The following GABPB2 variants were observed in gnomAD, a reference collection of about 807,000 sequenced individuals.
GABPB2 encodes GA-binding protein subunit beta-2.
GABPB2 carries 23 observed loss-of-function variants against 39.1 expected under a neutral mutation model. The ratio of observed to expected loss-of-function variants is 0.59; its 90% CI spans 0.42 to 0.83. The LOEUF (loss-of-function observed/expected upper bound fraction) is 0.83. Ranked by LOEUF, GABPB2 falls within the 40% of genes least tolerant of loss-of-function variation. The pLI, the probability that GABPB2 is intolerant of heterozygous loss-of-function variation, is 0.00. For missense variants in GABPB2, 467 were observed against 541.1 expected, an observed-to-expected ratio of 0.86 and a Z score of 1.36; for synonymous variants, 184 against 199.3, an observed-to-expected ratio of 0.92 and a Z score of 0.65.
chr1:151,088,169 C>A (rs919806900), intron 1 of GABPB2, 21 bp from the exon 2 acceptor site: 17 of 1,582,770 alleles, frequency 1.1e-5, no homozygotes, highest in African/African-American at 1.3e-5. Flanking sequence ...TACCTGAAAA[C>A]TTTTGTTCCT....
At chr1:151,091,768 C>T (rs147597405) in intron 3 of GABPB2, among the ~76,000 whole-genome samples, 166 of 152,120 alleles carry the variant, frequency 1.1e-3, no homozygotes, top group Non-Finnish European at 1.7e-3. Flanking sequence ...TGAGCCACCA[C>T]GCCCGGCCCT....
intron 1 of GABPB2, among the ~76,000 whole-genome samples, chr1:151,086,485 C>T (rs1463750786): frequency 2.6e-5 from 4 of 152,018 alleles, no homozygotes; most frequent in Non-Finnish European, 5.9e-5. Flanking sequence ...GGATTTGCAC[C>T]GTTAGTGCTA....
At position 151,072,079 on chromosome 1, in the gene GABPB2, A is replaced by G. The variant is rs975942596; in HGVS notation, c.-1+1145A>G. ...TCTAATCACTTGGTCCACCCAATCC[A>G]GTAGAGATGTTCTTAGGCATGTATT... On this transcript the variant is annotated intron_variant, in intron 1 of 8. Coordinates refer to ENST00000368918, the MANE Select transcript of GABPB2 (RefSeq NM_144618.3). Among the ~76,000 whole-genome samples the G allele has an allele frequency of 6.6e-5, 10 of 152,364 alleles. No homozygotes were observed. In the East Asian group the frequency reaches 1.9e-3, roughly 29 times the overall value.
At position 151,118,286 on chromosome 1, in the gene GABPB2, CA is replaced by C. The variant is rs777516094; in HGVS notation, c.*31del. The C allele has an allele frequency of 8.3e-6, 13 of 1,559,632 alleles. No homozygotes were observed. The East Asian group carries it at 2.7e-4, about 32-fold the overall frequency. ...CAAGGGCCACAATTTGCACTGTGTT[CA>C]TATTAATCCTCTTTTAAAAAAGGAA... On this transcript the variant is annotated 3_prime_UTR_variant, in exon 9 of 9. Coordinates refer to ENST00000368918, the MANE Select transcript of GABPB2 (RefSeq NM_144618.3).
chr1:151,100,580 CTTTTTT>C (rs35251516), intron 5 of GABPB2, among the ~76,000 whole-genome samples: 1 of 46,688 alleles, frequency 2.1e-5, no homozygotes, highest in Non-Finnish European at 3.8e-5. Flanking sequence ...TGTGCCTGGC[CTTTTTT>C]TTTTTTTTTT....
In GABPB2 at chr1:151,097,838, G is replaced by T; in HGVS notation, c.472-14G>T. 1 of 1,611,302 alleles carries T rather than the reference G, an allele frequency of 6.2e-7. No individual in the cohort carries two copies. The highest frequency in any genetic ancestry group is 8.5e-7 in the Non-Finnish European group (1 of 1,178,418). On this transcript the variant is annotated splice_polypyrimidine_tract_variant and intron_variant, in intron 4 of 8. Transcript: ENST00000368918. ...ATAAGTGTTCTGATTGAAATATCCT[G>T]CCTTGTTTGATAGGAAGCAATGCAG...
chr1:151,099,236 T>C (rs1441233836), intron 5 of GABPB2, among the ~76,000 whole-genome samples: 1 of 152,008 alleles, frequency 6.6e-6, no homozygotes, highest in African/African-American at 2.4e-5. Context: ...CTCGCTGTGT[T>C]TCCCAGGCTG....
chr1:151,078,588 G>A lies in GABPB2; in HGVS notation c.-1+7654G>A, dbSNP rs375376207. Among the ~76,000 whole-genome samples, 73 of 150,880 alleles carry A rather than the reference G, an allele frequency of 4.8e-4. 1 individual carries two copies. In the East Asian group the frequency reaches 9.0e-3, roughly 19 times the overall value. On this transcript the variant is annotated intron_variant, in intron 1 of 8. Transcript: ENST00000368918. ...AGCCTGGGCCACAGAGCAAGACTCCGTCTCAAAAAAAAAATAGAAAAAAAA... is the reference window on the plus strand; with the variant it reads ...AGCCTGGGCCACAGAGCAAGACTCCATCTCAAAAAAAAAATAGAAAAAAAA...
chr1:151,111,029 C>T (rs1390705391), intron 7 of GABPB2, among the ~76,000 whole-genome samples: 3 of 152,064 alleles, frequency 2.0e-5, no homozygotes. Flanking sequence ...CCTGTAATCC[C>T]AGCACTTTGG....
At chr1:151,109,340 A>G (rs898720404) in intron 7 of GABPB2, among the ~76,000 whole-genome samples, 6 of 62,350 alleles carry the variant, frequency 9.6e-5, no homozygotes, top group African/African-American at 1.6e-4. Context: ...ATATATATAC[A>G]CAAATATATA....
intron 6 of GABPB2, among the ~76,000 whole-genome samples, 199 bp from the exon 7 acceptor site, chr1:151,106,838 A>G (rs1240784761): frequency 6.6e-6 from 1 of 152,200 alleles, no homozygotes; most frequent in Admixed American, 6.5e-5. Flanking sequence ...ATTTTACAAA[A>G]TACTGTTCTA....
At position 151,118,322 on chromosome 1, in the gene GABPB2, A is replaced by G. The variant is rs910201331; in HGVS notation, c.*66A>G. 8.5e-6 allele frequency: 12 copies of G among 1,406,420 alleles called. No homozygotes were observed. Among genetic ancestry groups the G allele is most frequent in the Non-Finnish European group, 1.2e-5 (12 of 1,029,352 alleles). 87.1% of individuals were successfully genotyped at this position (1,406,420 alleles called of 1,614,324 possible). ...TCTTTTAAAAAAGGAAATATACAGAAGACAAACATTGTATAAAAACTAAGA... is the reference window on the plus strand; with the variant it reads ...TCTTTTAAAAAAGGAAATATACAGAGGACAAACATTGTATAAAAACTAAGA... On this transcript the variant is annotated 3_prime_UTR_variant, in exon 9 of 9. Coordinates refer to ENST00000368918, the MANE Select transcript of GABPB2 (RefSeq NM_144618.3).
intron 4 of GABPB2, among the ~76,000 whole-genome samples, chr1:151,097,636 G>A (rs1029451374): frequency 2.0e-5 from 3 of 152,034 alleles, no homozygotes; most frequent in Non-Finnish European, 4.4e-5. Flanking sequence ...AAAATTAGCT[G>A]GGCGTGGTGG....
intron 1 of GABPB2, among the ~76,000 whole-genome samples, chr1:151,079,675 G>A (rs1345693131): frequency 6.6e-6 from 1 of 151,172 alleles, no homozygotes; most frequent in African/African-American, 2.4e-5. Context: ...CCGAGGCAGC[G>A]AATCACCTGA....
At chr1:151,115,381 A>G (rs1249367855) in intron 7 of GABPB2, among the ~76,000 whole-genome samples, 1 of 148,054 alleles carries the variant, frequency 6.8e-6, no homozygotes, top group Admixed American at 7.1e-5. Context: ...GAAAGAAAGA[A>G]AGAAACTGGC....
rs1171869510 is a variant in GABPB2 at position 151,118,542 on chromosome 1, T to A, written c.*286T>A. ...AGAATACTGCATGTTGTGGGTTGAT[T>A]TTTTTTTTTTAAATAACTGACTTTC... On this transcript the variant is annotated 3_prime_UTR_variant, in exon 9 of 9. Coordinates refer to ENST00000368918, the MANE Select transcript of GABPB2 (RefSeq NM_144618.3). 3.8e-6 allele frequency: 1 copy of A among 261,448 alleles called. No individual in the cohort carries two copies. The highest frequency in any genetic ancestry group is 7.2e-6 in the Non-Finnish European group (1 of 139,450). The allele number at this position is 261,448 out of a possible 1,614,324, so 16.2% of individuals were successfully genotyped here.
chr1:151,097,070 C>T (rs1235485346), intron 4 of GABPB2, among the ~76,000 whole-genome samples: 1 of 151,956 alleles, frequency 6.6e-6, no homozygotes, highest in Admixed American at 6.6e-5. Flanking sequence ...TGCCACCACG[C>T]CCAGCTGATA....
intron 1 of GABPB2, among the ~76,000 whole-genome samples, chr1:151,074,219 C>G (rs1257306085): frequency 2.6e-5 from 4 of 151,636 alleles, no homozygotes; most frequent in Non-Finnish European, 2.9e-5. Context: ...TCGTGATTCT[C>G]CCGCCTCAGC....
At chr1:151,116,797 G>A (rs1224731693) in intron 7 of GABPB2, among the ~76,000 whole-genome samples, 3 of 151,888 alleles carry the variant, frequency 2.0e-5, no homozygotes, top group African/African-American at 7.3e-5. Flanking sequence ...TTTTTGCGGA[G>A]ACAGTGTTTG....
Sources: gnomAD v4.1 joint callset for allele counts (sites outside exome capture counted in the v4.1 genomes callset) on GRCh38, gnomAD v4.1.1 for gene constraint, MANE v1.5 for transcripts, NCBI Gene and HGNC (gene_info 2026-07-23, HGNC 2026-07-21) for gene names.